CCNB2: variants seen among roughly 807,000 people sequenced by gnomAD.
The protein encoded by CCNB2 is G2/mitotic-specific cyclin-B2.
CCNB2 carries 39 observed loss-of-function variants against 51.1 expected under a neutral mutation model. That is an observed-to-expected ratio of 0.76 (90% confidence interval 0.59 to 1.00). The LOEUF (loss-of-function observed/expected upper bound fraction) is 1.00. CCNB2 is among the 50% of genes least tolerant of loss of function. The probability of loss-of-function intolerance (pLI) is 0.00; values close to 1 mark genes in which losing one functional copy is unlikely to be tolerated. For missense variants in CCNB2, 472 were observed against 470.3 expected (o/e 1.00, Z -0.03); for synonymous variants, 174 against 165.5 (o/e 1.05, Z -0.40).
At chr15:59,114,396 A>T (rs2079269616) in intron 3 of CCNB2, 48 bp from the exon 4 acceptor site, 1 of 1,451,076 alleles carries the variant, frequency 6.9e-7, no homozygotes, top group Non-Finnish European at 9.3e-7. Context: ...CTCTGCATGT[A>T]TTTATGGTTA....
At chr15:59,115,062 C>A (rs1411408655) in intron 5 of CCNB2, among the ~76,000 whole-genome samples, 186 bp downstream of exon 5, 1 of 152,084 alleles carries the variant, frequency 6.6e-6, no homozygotes, top group Non-Finnish European at 1.5e-5. Flanking sequence ...TGATGCGGAC[C>A]AATAATGGGC....
intron 7 of CCNB2, among the ~76,000 whole-genome samples, chr15:59,123,064 C>T (rs1191282724): frequency 6.6e-6 from 1 of 152,130 alleles, no homozygotes; most frequent in East Asian, 1.9e-4. Flanking sequence ...TTTCTTATTT[C>T]CGAACATCTT....
At chr15:59,112,948 G>T (rs1471499665) in intron 3 of CCNB2, among the ~76,000 whole-genome samples, 1 of 151,870 alleles carries the variant, frequency 6.6e-6, no homozygotes, top group Non-Finnish European at 1.5e-5. Flanking sequence ...GCAGGAGAAT[G>T]GCGTGAACCC....
intron 2 of CCNB2, 37 bp downstream of exon 2, chr15:59,107,487 C>G: frequency 6.2e-7 from 1 of 1,613,066 alleles, no homozygotes. Flanking sequence ...ATACAGAGGC[C>G]GATTCTGTAT....
intron 3 of CCNB2, among the ~76,000 whole-genome samples, chr15:59,113,747 G>A (rs552980659): frequency 2.0e-5 from 3 of 152,248 alleles, no homozygotes; most frequent in Middle Eastern, 3.4e-3. Flanking sequence ...GTTTTGAGGC[G>A]GAGTCTTGTT....
chr15:59,113,921 T>C (rs1414486740), intron 3 of CCNB2, among the ~76,000 whole-genome samples: 2 of 152,220 alleles, frequency 1.3e-5, no homozygotes, highest in African/African-American at 4.8e-5. Context: ...AGGCTGGTCT[T>C]GAACTCCGGG....
intron 1 of CCNB2, 24 bp from the exon 2 acceptor site, chr15:59,107,298 A>G (rs1484384975): frequency 3.0e-5 from 45 of 1,520,078 alleles, no homozygotes; most frequent in Non-Finnish European, 3.7e-5. Context: ...TCAAGGTTTC[A>G]TTACTTTTTT....
chr15:59,114,337 T>G (rs2079269289), intron 3 of CCNB2, 107 bp from the exon 4 acceptor site: 5 of 793,002 alleles, frequency 6.3e-6, no homozygotes, highest in Non-Finnish European at 8.0e-6. Flanking sequence ...TTGTTGTGTC[T>G]TTAACATATT....
rs1190805389 is a variant in CCNB2 at position 59,107,331 on chromosome 15, G to A, written c.34G>A (p.Asp12Asn). The A allele has an allele frequency of 1.9e-6, 3 of 1,577,170 alleles. No homozygotes were observed. Among genetic ancestry groups the A allele is most frequent in the Non-Finnish European group, 2.6e-6 (3 of 1,159,604 alleles). Residue 12 changes from aspartate to asparagine, a missense_variant, in exon 2 of 9, where the codon GAT (aspartate) becomes AAT (asparagine). Coordinates refer to ENST00000288207, the MANE Select transcript of CCNB2 (RefSeq NM_004701.4). ...TTTTTTTTTTTTTCAGGTGTCCAGT[G>A]ATTTGGAGAATATTGACACAGGAGT... The part of the protein sequence containing the change: ...ALLRRPTVSS[D>N]LENIDTGVNS...
At chr15:59,111,287 G>A (rs1274948971) in intron 3 of CCNB2, among the ~76,000 whole-genome samples, 8 of 152,128 alleles carry the variant, frequency 5.3e-5, no homozygotes, top group African/African-American at 1.9e-4. Flanking sequence ...TCCCACCTTG[G>A]GCTTCCAAAG....
At chr15:59,110,269 G>A (rs549819285) in intron 3 of CCNB2, among the ~76,000 whole-genome samples, 1 of 152,172 alleles carries the variant, frequency 6.6e-6, no homozygotes, top group East Asian at 1.9e-4. Context: ...AAGCATTATG[G>A]ACCCGTAGCT....
chr15:59,115,320 T>G (rs1485137053), intron 5 of CCNB2, among the ~76,000 whole-genome samples: 1 of 152,132 alleles, frequency 6.6e-6, no homozygotes, highest in East Asian at 1.9e-4. Context: ...ACTATGTCAT[T>G]GAATCACTGT....
chr15:59,115,001 A>G, intron 5 of CCNB2, 125 bp downstream of exon 5: 2 of 1,049,300 alleles, frequency 1.9e-6, no homozygotes, highest in Non-Finnish European at 2.8e-6. Flanking sequence ...GAGAAGCCAA[A>G]GAACTTTGGG....
chr15:59,122,500 C>T (rs1415544809), intron 7 of CCNB2, among the ~76,000 whole-genome samples: 1 of 150,914 alleles, frequency 6.6e-6, no homozygotes, highest in Non-Finnish European at 1.5e-5. Flanking sequence ...GTTGGGATTA[C>T]AGGCGTGAGC....
At chr15:59,108,828 G>A (rs1236255873) in intron 3 of CCNB2, among the ~76,000 whole-genome samples, 4 of 152,182 alleles carry the variant, frequency 2.6e-5, no homozygotes, top group African/African-American at 9.7e-5. Context: ...ATGGTTGAAA[G>A]CTCTTTGCTC....
chr15:59,124,748 T>G lies in CCNB2; in HGVS notation c.1087-19T>G, dbSNP rs1333348359. The stretch of plus-strand genomic sequence containing the variant: ...TTGGGGGTTCCTGACATGTGCTTAA[T>G]CACAAATGACTTCTGCAGGCCATCA... On this transcript the variant is annotated intron_variant, in intron 8 of 8. Transcript: ENST00000288207. 1.3e-6 allele frequency: 2 copies of G among 1,576,892 alleles called. No homozygotes were observed. Among genetic ancestry groups the G allele is most frequent in the Non-Finnish European group, 1.7e-6 (2 of 1,146,350 alleles).
At chr15:59,119,565 T>C (rs951822813) in intron 7 of CCNB2, among the ~76,000 whole-genome samples, 3 of 151,964 alleles carry the variant, frequency 2.0e-5, no homozygotes, top group Non-Finnish European at 4.4e-5. Context: ...AGTGGTAACA[T>C]CAAGTTTACT....
intron 3 of CCNB2, among the ~76,000 whole-genome samples, chr15:59,108,108 G>C (rs750379662): frequency 6.6e-5 from 10 of 152,212 alleles, no homozygotes; most frequent in Non-Finnish European, 1.3e-4. Flanking sequence ...GAGATTTTTA[G>C]GGGTAGAGAG....
chr15:59,122,375 C>G (rs1417176078), intron 7 of CCNB2, among the ~76,000 whole-genome samples: 6 of 150,238 alleles, frequency 4.0e-5, no homozygotes, highest in Non-Finnish European at 8.9e-5. Context: ...CAGGCGCACA[C>G]CACCATGCCC....
Sources: gnomAD v4.1 joint callset for allele counts (sites outside exome capture counted in the v4.1 genomes callset) on GRCh38, gnomAD v4.1.1 for gene constraint, MANE v1.5 for transcripts, NCBI Gene and HGNC (gene_info 2026-07-23, HGNC 2026-07-21) for gene names.